The following GMNC variants were observed in gnomAD, a reference collection of about 807,000 sequenced individuals.
GMNC encodes geminin coiled-coil domain-containing protein 1.
In GMNC, 16 loss-of-function variants were observed where a neutral mutation model predicts 33.6. The ratio of observed to expected loss-of-function variants is 0.48; its 90% CI spans 0.32 to 0.72. The LOEUF is 0.72. Among genes scored for constraint, GMNC ranks in the 30% least tolerant of loss-of-function variants. The pLI is 0.03. For synonymous variants in GMNC, 156 were observed against 147.3 expected, an observed-to-expected ratio of 1.06 and a Z score of -0.43; for missense variants, 393 against 388.9, an observed-to-expected ratio of 1.01 and a Z score of -0.09.
chr3:190,844,493 A>G, the GMNC span, among the ~76,000 whole-genome samples: 2 of 149,708 alleles, frequency 1.3e-5, no homozygotes, highest in African/African-American at 5.0e-5. Context: ...AAATTCCTAA[A>G]TTTATATGCA....
At position 190,861,504 on chromosome 3, in the gene GMNC, ATC is replaced by A. The variant is rs1397181717; in HGVS notation, c.4-648_4-647del. Among the ~76,000 whole-genome samples the A allele has an allele frequency of 6.1e-5, 9 of 146,564 alleles. No individual in the cohort carries two copies. Among genetic ancestry groups the A allele is most frequent in the Non-Finnish European group, 1.2e-4 (8 of 66,308 alleles). Reference sequence around the variant, plus strand: ...TATCTATCTATCTATCTATCTATCTATCTATCTCTGTCCCAGAGATAATTAAA... The same window carrying A: ...TATCTATCTATCTATCTATCTATCTATATCTCTGTCCCAGAGATAATTAAA... On this transcript the variant is annotated intron_variant, in intron 1 of 4. Coordinates refer to ENST00000442080, the MANE Select transcript of GMNC (RefSeq NM_001146686.3). The surrounding 1 kb of genome is among the most constrained non-coding windows in gnomAD (Gnocchi z 5.1).
rs1484960736 is a variant in GMNC at position 190,861,470 on chromosome 3, CT to C, written c.4-613del. Reference sequence around the variant, plus strand: ...GTCTGCCTATCATCTATCTATCTATCTATCTATCTATCTATCTATCTATCTA... The same window carrying C: ...GTCTGCCTATCATCTATCTATCTATCATCTATCTATCTATCTATCTATCTA... On this transcript the variant is annotated intron_variant, in intron 1 of 4. Transcript: ENST00000442080. This position sits in a 1 kb window ranked among gnomAD's most constrained non-coding sequence, Gnocchi z 5.1. Among the ~76,000 whole-genome samples, 1 of 150,882 alleles carries C rather than the reference CT, an allele frequency of 6.6e-6. No individual in the cohort carries two copies. The highest frequency in any genetic ancestry group is 6.6e-5 in the Admixed American group (1 of 15,136).
rs577398682 is a variant in GMNC, at chr3:190,860,720, C to T, written c.142G>A (p.Asp48Asn). The T allele has an allele frequency of 1.9e-4, 289 of 1,551,290 alleles. No individual in the cohort carries two copies. The highest frequency in any genetic ancestry group is 2.4e-4 in the Non-Finnish European group (270 of 1,146,940). The change falls in exon 2 of 5, where the codon GAC (aspartate) becomes AAC (asparagine). Residue 48 changes from aspartate to asparagine, a missense_variant. Coordinates refer to ENST00000442080, the MANE Select transcript of GMNC (RefSeq NM_001146686.3). ...GGTGCTTGTTGGAGCTCTCTGTTGT[C>T]CAGGAGACCAGCAGCCCAGAAAGAG... is the stretch of plus-strand genomic sequence containing the variant. ...WVSFWAAGLL[D>N]NRELQQAPQA...
chr3:190,847,865 G>A (rs540483734), downstream of GMNC, among the ~76,000 whole-genome samples: 107 of 152,172 alleles, frequency 7.0e-4, no homozygotes, highest in South Asian at 0.011. Context: ...TCCTCATGTT[G>A]TATGTGCAGT....
At chr3:190,859,096 A>G in intron 2 of GMNC, 80 bp from the exon 3 acceptor site, 1 of 835,606 alleles carries the variant, frequency 1.2e-6, no homozygotes, top group Middle Eastern at 2.3e-4. Flanking sequence ...ATCAAATCAG[A>G]AAGTTTAATA....
intron 3 of GMNC, among the ~76,000 whole-genome samples, 157 bp downstream of exon 3, chr3:190,858,771 T>C (rs765385365): frequency 5.9e-5 from 9 of 152,352 alleles, no homozygotes; most frequent in Non-Finnish European, 2.9e-5. Flanking sequence ...TTCTCTGACA[T>C]TGATCATCTA....
chr3:190,856,706 A>T (rs1167743774), intron 4 of GMNC, among the ~76,000 whole-genome samples: 2 of 151,548 alleles, frequency 1.3e-5, no homozygotes, highest in African/African-American at 4.8e-5. Flanking sequence ...ATCTACACAG[A>T]TCCTCTGATT....
Position 190,862,267 on chromosome 3 carries a change from A to C in GMNC, c.3+346T>G, listed in dbSNP as rs1349934447. 6.6e-6 allele frequency among the ~76,000 whole-genome samples: 1 copy of C among 152,138 alleles called. No homozygotes were observed. On this transcript the variant is annotated intron_variant, in intron 1 of 4. Transcript: ENST00000442080. The surrounding 1 kb of genome is among the most constrained non-coding windows in gnomAD (Gnocchi z 4.5). ...ACAAGTTCATGTCCAAGTGTTTGCA[A>C]ATATATGCATAATCTAGAGGAAGAG...
chr3:190,845,397 C>T, the GMNC span, among the ~76,000 whole-genome samples: 36 of 151,828 alleles, frequency 2.4e-4, no homozygotes, highest in African/African-American at 8.5e-4. Context: ...CAAACCTCTT[C>T]TGTTCATAAA....
the GMNC span, among the ~76,000 whole-genome samples, chr3:190,844,103 A>T: frequency 6.6e-6 from 1 of 152,168 alleles, no homozygotes; most frequent in Non-Finnish European, 1.5e-5. Flanking sequence ...TAACACAGTC[A>T]TATAACGTTT....
chr3:190,850,017 T>G (rs1420770262), downstream of GMNC, among the ~76,000 whole-genome samples: 2 of 152,194 alleles, frequency 1.3e-5, no homozygotes, highest in Non-Finnish European at 2.9e-5. Context: ...TTTCCCTTTA[T>G]TTGAATTTTT....
chr3:190,850,798 C>G (rs1292706226), downstream of GMNC, among the ~76,000 whole-genome samples: 1 of 152,140 alleles, frequency 6.6e-6, no homozygotes, highest in Non-Finnish European at 1.5e-5. Flanking sequence ...TCTTGGGCCT[C>G]AACTATTGTA....
At chr3:190,851,946 T>TTAACTATTGCAG (rs1737641859), downstream of GMNC, among the ~76,000 whole-genome samples, 1 of 151,908 alleles carries the variant, frequency 6.6e-6, no homozygotes, top group Admixed American at 6.6e-5. Context: ...GCAGGATATT[T>TTAACTATTGCAG]GATACAAGAA....
In GMNC at chr3:190,853,598, G is replaced by C. The variant is rs534384110; in HGVS notation, c.*1697C>G. Reference sequence around the variant, plus strand: ...AAACAACAATGAAAGGCATGTCTCTGTTACAAAGAATCCTAACCAACACAG... The same window carrying C: ...AAACAACAATGAAAGGCATGTCTCTCTTACAAAGAATCCTAACCAACACAG... On this transcript the variant is annotated 3_prime_UTR_variant, in exon 5 of 5. Transcript: ENST00000442080. The C allele has an allele frequency of 6.6e-6, 1 of 152,144 alleles. No homozygotes were observed. The highest frequency in any genetic ancestry group is 2.4e-5 in the African/African-American group (1 of 41,510). The allele number at this position is 152,144 out of a possible 1,614,324, so 9.4% of individuals were successfully genotyped here. A position where few individuals can be genotyped will look rare whatever the true frequency, so the allele number is the denominator to read the frequency against.
chr3:190,852,392 T>C (rs1331581984), downstream of GMNC, among the ~76,000 whole-genome samples: 1 of 152,152 alleles, frequency 6.6e-6, no homozygotes, highest in Non-Finnish European at 1.5e-5. Flanking sequence ...TCTTAAATAA[T>C]CTCATTTATT....
rs139685209 is a variant in GMNC at position 190,861,008 on chromosome 3, T to C, written c.4-150A>G. 3.5e-3 allele frequency: 1,965 copies of C among 560,522 alleles called. 40 individuals carry two copies. Among genetic ancestry groups the C allele is most frequent in the African/African-American group, 0.035 (1,828 of 52,788 alleles). 34.7% of individuals were successfully genotyped at this position (560,522 alleles called of 1,614,324 possible). ...AAAAGGTGTTAAGTATAGATCCATATTAATTTTGGGGTGGTCAAATTATAA... is the reference window on the plus strand; with the variant it reads ...AAAAGGTGTTAAGTATAGATCCATACTAATTTTGGGGTGGTCAAATTATAA... On this transcript the variant is annotated intron_variant, in intron 1 of 4. Coordinates refer to ENST00000442080, the MANE Select transcript of GMNC (RefSeq NM_001146686.3). The surrounding 1 kb of genome is among the most constrained non-coding windows in gnomAD (Gnocchi z 5.1).
chr3:190,845,755 C>T, the GMNC span, among the ~76,000 whole-genome samples: 51 of 152,138 alleles, frequency 3.4e-4, no homozygotes, highest in Non-Finnish European at 5.6e-4. Flanking sequence ...GATCCGCCTG[C>T]CTTAGCCTCC....
chr3:190,845,099 A>G, the GMNC span, among the ~76,000 whole-genome samples: 2 of 152,208 alleles, frequency 1.3e-5, no homozygotes, highest in African/African-American at 4.8e-5. Context: ...AGAAAAAATT[A>G]GGTGTTAGTC....
the GMNC span, among the ~76,000 whole-genome samples, chr3:190,844,015 TG>T: frequency 6.6e-6 from 1 of 152,190 alleles, no homozygotes; most frequent in Admixed American, 6.6e-5. Flanking sequence ...GAATCCAGAA[TG>T]GTTACTTCTT....
Sources: gnomAD v4.1 joint callset for allele counts (sites outside exome capture counted in the v4.1 genomes callset) on GRCh38, gnomAD v4.1.1 for gene constraint, Gnocchi (gnomAD v3.1) non-coding constraint, MANE v1.5 for transcripts, NCBI Gene and HGNC (gene_info 2026-07-23, HGNC 2026-07-21) for gene names.